CADPS2: variants seen among roughly 807,000 people sequenced by gnomAD.
CADPS2 encodes the protein calcium dependent secretion activator 2, also known as calcium-dependent secretion activator 2.
In CADPS2, 93 loss-of-function variants were observed where a neutral mutation model predicts 172.5. The observed-to-expected ratio is 0.54, with a 90% confidence interval of 0.46 to 0.64. The LOEUF (loss-of-function observed/expected upper bound fraction) is 0.64. Ranked by LOEUF, CADPS2 falls within the 30% of genes least tolerant of loss-of-function variation. CADPS2 has a pLI of 0.00. For missense variants in CADPS2, 1,420 were observed against 1,565.9 expected (o/e 0.91, Z 1.57); for synonymous variants, 546 against 555.2 (o/e 0.98, Z 0.23).
chr7:122,430,304 G>A (rs1222300552), intron 17 of CADPS2, among the ~76,000 whole-genome samples: 1 of 152,124 alleles, frequency 6.6e-6, no homozygotes, highest in Admixed American at 6.6e-5. Context: ...AAGTCCTAAG[G>A]CGCAGTCTCC....
At chr7:122,848,566 T>C (rs895523880) in intron 1 of CADPS2, among the ~76,000 whole-genome samples, 2 of 152,114 alleles carry the variant, frequency 1.3e-5, no homozygotes, top group Middle Eastern at 3.2e-3. Flanking sequence ...TTTATAAAGC[T>C]AAAAAGGATC....
intron 9 of CADPS2, among the ~76,000 whole-genome samples, chr7:122,496,321 C>A (rs1394157945): frequency 1.3e-5 from 2 of 152,120 alleles, no homozygotes; most frequent in African/African-American, 4.8e-5. Flanking sequence ...GCTACCGTAT[C>A]TGGCTAACTG....
At chr7:122,731,669 GA>G (rs1454488481) in intron 2 of CADPS2, among the ~76,000 whole-genome samples, 16 of 141,434 alleles carry the variant, frequency 1.1e-4, no homozygotes, top group South Asian at 4.6e-4. Flanking sequence ...AAAAGGTGAA[GA>G]GGGGAAAAAA....
chr7:122,538,450 T>C (rs1325759002), intron 8 of CADPS2, among the ~76,000 whole-genome samples: 1 of 149,874 alleles, frequency 6.7e-6, no homozygotes, highest in Non-Finnish European at 1.5e-5. Context: ...AGCAGTCAGA[T>C]AAATTGAAGG....
intron 1 of CADPS2, among the ~76,000 whole-genome samples, chr7:122,872,294 C>T (rs577624154): frequency 1.3e-5 from 2 of 152,196 alleles, no homozygotes; most frequent in East Asian, 1.9e-4. Flanking sequence ...AATCATGTAA[C>T]TTTAAATTTT....
At chr7:122,332,885 T>C (rs965393038) in intron 28 of CADPS2, among the ~76,000 whole-genome samples, 2 of 152,188 alleles carry the variant, frequency 1.3e-5, no homozygotes, top group African/African-American at 2.4e-5. Flanking sequence ...TAATGTTCTT[T>C]ATTATCAAAT....
In CADPS2 at chr7:122,769,478, T is replaced by A. The variant is rs188983090; in HGVS notation, c.340-32410A>T. Among the ~76,000 whole-genome samples, 481 of 152,064 alleles carry A rather than the reference T, an allele frequency of 3.2e-3. 3 individuals are homozygous for A. The highest frequency in any genetic ancestry group is 0.014 in the Middle Eastern group (4 of 294). Reference sequence around the variant, plus strand: ...CAAATACGTCACCTACATCCCCAACTCTTCACCTCATAACAGCAATGAAGA... The same window carrying A: ...CAAATACGTCACCTACATCCCCAACACTTCACCTCATAACAGCAATGAAGA... On this transcript the variant is annotated intron_variant, in intron 1 of 29. Coordinates refer to ENST00000449022, the MANE Select transcript of CADPS2 (RefSeq NM_017954.11).
At chr7:122,643,503 C>T (rs918223760) in intron 3 of CADPS2, among the ~76,000 whole-genome samples, 4 of 152,172 alleles carry the variant, frequency 2.6e-5, no homozygotes, top group African/African-American at 7.2e-5. Flanking sequence ...CTGGGCCTCT[C>T]GCTTTGAGTT....
At chr7:122,546,460 C>T (rs913836917) in intron 8 of CADPS2, among the ~76,000 whole-genome samples, 1 of 152,114 alleles carries the variant, frequency 6.6e-6, no homozygotes, top group Non-Finnish European at 1.5e-5. Flanking sequence ...TGAAGAGATT[C>T]CTTTTCATCA....
chr7:122,458,015 A>T (rs2152079305), intron 14 of CADPS2, among the ~76,000 whole-genome samples: 1 of 152,318 alleles, frequency 6.6e-6, no homozygotes, highest in Admixed American at 6.5e-5. Flanking sequence ...GTTGTAAAAG[A>T]TTATTTCACA....
At chr7:122,542,532 T>C (rs1300164213) in intron 8 of CADPS2, among the ~76,000 whole-genome samples, 1 of 152,116 alleles carries the variant, frequency 6.6e-6, no homozygotes, top group African/African-American at 2.4e-5. Flanking sequence ...TGGGAACTTG[T>C]CTTTCTATAA....
In CADPS2 at chr7:122,721,872, C is replaced by G. The variant is rs192336415; in HGVS notation, c.453+15083G>C. Reference sequence around the variant, plus strand: ...TCAAGTGGGCTTCATCCCTGGGATACAAGGCTGGTTCAATATACGCGAATC... The same window carrying G: ...TCAAGTGGGCTTCATCCCTGGGATAGAAGGCTGGTTCAATATACGCGAATC... On this transcript the variant is annotated intron_variant, in intron 2 of 29. Coordinates refer to ENST00000449022, the MANE Select transcript of CADPS2 (RefSeq NM_017954.11). 3.5e-3 allele frequency among the ~76,000 whole-genome samples: 537 copies of G among 152,258 alleles called. 14 individuals are homozygous for G. Among genetic ancestry groups the G allele is most frequent in the Admixed American group, 0.031 (470 of 15,284 alleles).
chr7:122,483,652 T>C (rs1265014529), intron 11 of CADPS2, among the ~76,000 whole-genome samples: 1 of 152,082 alleles, frequency 6.6e-6, no homozygotes, highest in Non-Finnish European at 1.5e-5. Flanking sequence ...ATAATAGCAA[T>C]GTATTGTGGG....
At chr7:122,809,336 G>A (rs1799487148) in intron 1 of CADPS2, among the ~76,000 whole-genome samples, 1 of 151,648 alleles carries the variant, frequency 6.6e-6, no homozygotes, top group Non-Finnish European at 1.5e-5. Flanking sequence ...TTGGGAGGCC[G>A]AGGCGGGTGG....
intron 20 of CADPS2, among the ~76,000 whole-genome samples, chr7:122,403,750 T>C (rs2046257932): frequency 6.6e-6 from 1 of 152,128 alleles, no homozygotes. Flanking sequence ...ATTCCATTCA[T>C]TGTAGATAAG....
chr7:122,824,986 A>C (rs1176748300), intron 1 of CADPS2, among the ~76,000 whole-genome samples: 2 of 152,188 alleles, frequency 1.3e-5, no homozygotes, highest in African/African-American at 4.8e-5. Context: ...TTTTTGGCCA[A>C]GGAAACGAAA....
intron 7 of CADPS2, among the ~76,000 whole-genome samples, chr7:122,565,318 A>G (rs565744237): frequency 6.1e-4 from 93 of 152,294 alleles, no homozygotes; most frequent in African/African-American, 1.9e-3. Context: ...GAAGATGGAC[A>G]GGGAGTATGA....
chr7:122,704,808 C>T (rs191835775), intron 2 of CADPS2, among the ~76,000 whole-genome samples: 4 of 152,176 alleles, frequency 2.6e-5, no homozygotes, highest in Admixed American at 2.6e-4. Context: ...TCTCAGGGGA[C>T]ATCTGGCTGC....
chr7:122,680,114 G>A (rs927696667), intron 2 of CADPS2, among the ~76,000 whole-genome samples: 7 of 152,100 alleles, frequency 4.6e-5, no homozygotes, highest in African/African-American at 1.7e-4. Context: ...TTGTTGCAAT[G>A]GTTAATTACC....
Sources: gnomAD v4.1 joint callset for allele counts (sites outside exome capture counted in the v4.1 genomes callset) on GRCh38, gnomAD v4.1.1 for gene constraint, MANE v1.5 for transcripts, NCBI Gene and HGNC (gene_info 2026-07-23, HGNC 2026-07-21) for gene names.